Variants in GPR39 observed in about 807,000 individuals in gnomAD.
The protein encoded by GPR39 is zinc sensing receptor.
In GPR39, 23 loss-of-function variants were observed where a neutral mutation model predicts 18.4. The observed-to-expected ratio is 1.25, with a 90% CI of 0.90 to 1.77. The LOEUF (loss-of-function observed/expected upper bound fraction) is 1.77, where lower values mean the gene tolerates loss of function less well. Among genes scored for constraint, GPR39 ranks in the 40% most tolerant of loss-of-function variants. The pLI, the probability that GPR39 is intolerant of heterozygous loss-of-function variation, is 0.00. For synonymous variants in GPR39, 280 were observed against 257.9 expected (o/e 1.09, Z -0.82); for missense variants, 647 against 602.4 (o/e 1.07, Z -0.78).
At chr2:132,486,579 TTA>T (rs1681344113) in intron 1 of GPR39, among the ~76,000 whole-genome samples, 1 of 152,206 alleles carries the variant, frequency 6.6e-6, no homozygotes, top group African/African-American at 2.4e-5. Flanking sequence ...CTTTGCACAT[TTA>T]TGTTATCCAG....
intron 1 of GPR39, among the ~76,000 whole-genome samples, chr2:132,534,299 A>G (rs1291936193): frequency 4.0e-5 from 6 of 151,188 alleles, no homozygotes; most frequent in African/African-American, 7.3e-5. Flanking sequence ...ATATCATCTC[A>G]CACCAGTTAG....
chr2:132,517,493 A>G (rs1333338257), intron 1 of GPR39, among the ~76,000 whole-genome samples: 1 of 152,166 alleles, frequency 6.6e-6, no homozygotes, highest in African/African-American at 2.4e-5. Context: ...TCCCTTGATC[A>G]TGGCAAAATT....
chr2:132,529,564 G>A (rs538900435), intron 1 of GPR39, among the ~76,000 whole-genome samples: 2 of 152,344 alleles, frequency 1.3e-5, no homozygotes, highest in African/African-American at 4.8e-5. Flanking sequence ...CCTCAAGTGG[G>A]TCCCTGACCA....
chr2:132,452,526 A>G (rs1049053842), intron 1 of GPR39, among the ~76,000 whole-genome samples: 12 of 151,880 alleles, frequency 7.9e-5, no homozygotes, highest in African/African-American at 2.7e-4. Flanking sequence ...TGTGCACAGC[A>G]TGCAGGTTTG....
intron 1 of GPR39, among the ~76,000 whole-genome samples, chr2:132,627,551 TC>T (rs1252258832): frequency 1.3e-5 from 2 of 152,190 alleles, no homozygotes; most frequent in African/African-American, 4.8e-5. Context: ...GATATTAGTT[TC>T]CCGATTTTGC....
At chr2:132,581,460 G>A (rs911242195) in intron 1 of GPR39, among the ~76,000 whole-genome samples, 1 of 151,124 alleles carries the variant, frequency 6.6e-6, no homozygotes, top group Non-Finnish European at 1.5e-5. Flanking sequence ...AATATTATTT[G>A]GGAACAAAAA....
chr2:132,532,826 G>C (rs1679666512), intron 1 of GPR39, among the ~76,000 whole-genome samples: 1 of 152,164 alleles, frequency 6.6e-6, no homozygotes, highest in African/African-American at 2.4e-5. Context: ...CAATAAATTA[G>C]GTATTGATGG....
At chr2:132,449,530 A>C (rs1194543542) in intron 1 of GPR39, among the ~76,000 whole-genome samples, 1 of 152,102 alleles carries the variant, frequency 6.6e-6, no homozygotes, top group East Asian at 1.9e-4. Context: ...TACAGACATG[A>C]GCCACCGTGC....
At chr2:132,489,061 GACACTTGCTGCCAGGGTCCTCCTCTC>G (rs1263628956) in intron 1 of GPR39, 3 of 197,830 alleles carry the variant, frequency 1.5e-5, no homozygotes, top group African/African-American at 7.2e-5. Context: ...CAGGGCCTGT[GACACTTGCTGCCAGGGTCCTCCTCTC>G]CTTAGATGAC....
intron 1 of GPR39, among the ~76,000 whole-genome samples, chr2:132,503,703 G>A (rs976542418): frequency 1.1e-4 from 16 of 152,218 alleles, no homozygotes; most frequent in African/African-American, 3.9e-4. Context: ...AGTTGGTAGA[G>A]AAAGACCACC....
chr2:132,542,479 C>A (rs72983639), intron 1 of GPR39, among the ~76,000 whole-genome samples: 6,976 of 152,254 alleles, frequency 0.046, 218 homozygotes, highest in African/African-American at 0.077. Flanking sequence ...AAGGCCCCTT[C>A]TGCTAGAAAA....
chr2:132,500,485 A>G (rs1397931810), intron 1 of GPR39, among the ~76,000 whole-genome samples: 3 of 152,018 alleles, frequency 2.0e-5, no homozygotes, highest in African/African-American at 7.2e-5. Flanking sequence ...GTTTGCTAGT[A>G]TTTTGTTGAG....
intron 1 of GPR39, 55 bp downstream of exon 1, chr2:132,417,953 C>A: frequency 1.3e-6 from 2 of 1,523,800 alleles, no homozygotes; most frequent in African/African-American, 1.4e-5. Context: ...TCCCCCACGA[C>A]CCGTGCCACT....
chr2:132,621,677 G>C (rs577317580), intron 1 of GPR39, among the ~76,000 whole-genome samples: 1 of 152,322 alleles, frequency 6.6e-6, no homozygotes, highest in East Asian at 1.9e-4. Flanking sequence ...GGTGGAACCA[G>C]AGAGATTCCA....
intron 1 of GPR39, among the ~76,000 whole-genome samples, chr2:132,418,150 A>G (rs370991755): frequency 5.3e-5 from 8 of 152,218 alleles, no homozygotes; most frequent in South Asian, 2.1e-4. Flanking sequence ...AGGTTTGGGT[A>G]TATTCCAGAA....
intron 1 of GPR39, among the ~76,000 whole-genome samples, chr2:132,552,943 T>TA (rs1491478388): frequency 3.9e-5 from 4 of 102,202 alleles, no homozygotes; most frequent in South Asian, 3.0e-4. Flanking sequence ...CATATATATA[T>TA]TTTTTTTTTT....
chr2:132,565,813 G>A (rs1176947260), intron 1 of GPR39, among the ~76,000 whole-genome samples: 1 of 149,306 alleles, frequency 6.7e-6, no homozygotes, highest in Admixed American at 6.7e-5. Flanking sequence ...TTGGACATTT[G>A]GGTTGGTTCC....
chr2:132,555,470 C>T (rs958166978), intron 1 of GPR39, among the ~76,000 whole-genome samples: 2 of 152,136 alleles, frequency 1.3e-5, no homozygotes, highest in African/African-American at 4.8e-5. Context: ...AGATGGTGCA[C>T]TCACGCAACT....
intron 1 of GPR39, among the ~76,000 whole-genome samples, chr2:132,505,264 A>AT (rs201373332): frequency 6.6e-6 from 1 of 152,066 alleles, no homozygotes; most frequent in Non-Finnish European, 1.5e-5. Flanking sequence ...AATTAAAAAA[A>AT]TTATTAATAC....
Sources: gnomAD v4.1 joint callset for allele counts (sites outside exome capture counted in the v4.1 genomes callset) on GRCh38, gnomAD v4.1.1 for gene constraint, MANE v1.5 for transcripts, NCBI Gene and HGNC (gene_info 2026-07-23, HGNC 2026-07-21) for gene names.